GLIS3: variants seen among roughly 807,000 people sequenced by gnomAD.
The protein encoded by GLIS3 is GLIS family zinc finger 3.
Under a neutral mutation model 78.6 loss-of-function variants are expected in GLIS3, and 53 were observed. That is an observed-to-expected ratio of 0.67 (90% confidence interval 0.54 to 0.85). The LOEUF (loss-of-function observed/expected upper bound fraction) is 0.85, where lower values mean the gene tolerates loss of function less well. GLIS3 is among the 40% of genes least tolerant of loss of function. The pLI is 0.00. For synonymous variants in GLIS3, 684 were observed against 509.9 expected, an observed-to-expected ratio of 1.34 and a Z score of -4.60; for missense variants, 1,703 against 1,231.1, an observed-to-expected ratio of 1.38 and a Z score of -5.74.
chr9:4,448,635 A>T, the GLIS3 span, among the ~76,000 whole-genome samples: 84 of 152,330 alleles, frequency 5.5e-4, no homozygotes, highest in African/African-American at 1.9e-3. Flanking sequence ...GTGACCACAT[A>T]ACTTGTTCTG....
At chr9:4,126,083 A>C (rs1460505855) in intron 2 of GLIS3, 142 bp from the exon 3 acceptor site, 3 of 678,356 alleles carry the variant, frequency 4.4e-6, no homozygotes, top group Non-Finnish European at 7.8e-6. Flanking sequence ...TGATAGCAAA[A>C]GGCTTTCTCC....
chr9:3,926,241 T>TG lies in GLIS3; in HGVS notation c.1983+6118_1983+6119insC, dbSNP rs1398242435. Among the ~76,000 whole-genome samples, 5 of 149,838 alleles carry TG rather than the reference T, an allele frequency of 3.3e-5. No homozygotes were observed. The East Asian group carries it at 7.7e-4, about 23-fold the overall frequency. ...GCAATGCTTTTTCTTTTGTTTTTTT[T>TG]TTTTTCTTTGACGGAGTCTTGCTCT... On this transcript the variant is annotated intron_variant, in intron 6 of 10. Transcript: ENST00000381971.
chr9:4,234,282 G>C (rs999541653), intron 2 of GLIS3, among the ~76,000 whole-genome samples: 1 of 152,156 alleles, frequency 6.6e-6, no homozygotes, highest in African/African-American at 2.4e-5. Context: ...AGCATTTCTA[G>C]CTTTTGAGTT....
At chr9:3,878,356 C>T (rs1382158627) in intron 8 of GLIS3, among the ~76,000 whole-genome samples, 1 of 152,196 alleles carries the variant, frequency 6.6e-6, no homozygotes, top group Non-Finnish European at 1.5e-5. Flanking sequence ...TGGACTCCAG[C>T]ATCCAACACA....
chr9:4,152,869 T>C (rs187622436), intron 2 of GLIS3, among the ~76,000 whole-genome samples: 1 of 152,194 alleles, frequency 6.6e-6, no homozygotes, highest in Non-Finnish European at 1.5e-5. Context: ...TAAATAAACA[T>C]AGATATGTAA....
chr9:4,021,842 G>T (rs563936310), intron 4 of GLIS3, among the ~76,000 whole-genome samples: 3 of 152,122 alleles, frequency 2.0e-5, no homozygotes, highest in Non-Finnish European at 2.9e-5. Flanking sequence ...CAAAGCAATA[G>T]TTTTTTCAGT....
chr9:4,321,565 A>C (rs1817529589), intron 2 of GLIS3, among the ~76,000 whole-genome samples: 1 of 151,694 alleles, frequency 6.6e-6, no homozygotes, highest in Non-Finnish European at 1.5e-5. Flanking sequence ...AAATAAGAAA[A>C]TGAACATTTC....
rs1408962915 is a variant in GLIS3, at chr9:3,826,564, C to G, written c.*1708G>C. ...CCACTACTCAGAGAAACTAGATTGA[C>G]CAAGTGCACTGTGAAAACAAAACCC... On this transcript the variant is annotated 3_prime_UTR_variant, in exon 11 of 11. Coordinates refer to ENST00000381971, the MANE Select transcript of GLIS3 (RefSeq NM_001042413.2). 2.0e-5 allele frequency: 3 copies of G among 152,176 alleles called. No individual in the cohort carries two copies. Among genetic ancestry groups the G allele is most frequent in the Non-Finnish European group, 4.4e-5 (3 of 68,018 alleles). 9.4% of individuals were successfully genotyped at this position (152,176 alleles called of 1,614,324 possible).
intron 4 of GLIS3, among the ~76,000 whole-genome samples, chr9:4,308,400 G>A (rs989009725): frequency 6.6e-6 from 1 of 152,128 alleles, no homozygotes; most frequent in African/African-American, 2.4e-5. Context: ...AAGAAGAGGA[G>A]AAGGAAGGAA....
At chr9:4,013,438 A>G (rs1272866781) in intron 4 of GLIS3, among the ~76,000 whole-genome samples, 3 of 152,222 alleles carry the variant, frequency 2.0e-5, no homozygotes, top group Non-Finnish European at 4.4e-5. Context: ...GATATAATCA[A>G]TTGTCTGTCC....
the GLIS3 span, among the ~76,000 whole-genome samples, chr9:4,362,817 C>G: frequency 2.6e-5 from 4 of 152,036 alleles, no homozygotes; most frequent in African/African-American, 9.7e-5. Context: ...GCCAGAGAAC[C>G]CTGCTATCAT....
chr9:4,375,971 C>CA, the GLIS3 span, among the ~76,000 whole-genome samples: 22 of 152,286 alleles, frequency 1.4e-4, no homozygotes, highest in African/African-American at 5.1e-4. Flanking sequence ...AGTCTTTGTT[C>CA]ATCTGTAAAA....
At chr9:3,952,475 G>C (rs1816765115) in intron 4 of GLIS3, among the ~76,000 whole-genome samples, 1 of 152,044 alleles carries the variant, frequency 6.6e-6, no homozygotes, top group Non-Finnish European at 1.5e-5. Context: ...TTACCTATCT[G>C]ACATTAAGTA....
chr9:4,024,477 T>C (rs1823147238), intron 4 of GLIS3, among the ~76,000 whole-genome samples: 1 of 152,196 alleles, frequency 6.6e-6, no homozygotes, highest in Non-Finnish European at 1.5e-5. Flanking sequence ...CAGATGGGGC[T>C]GCTCCATGTG....
intron 2 of GLIS3, among the ~76,000 whole-genome samples, chr9:4,179,801 C>A (rs1586894338): frequency 2.0e-5 from 3 of 151,624 alleles, no homozygotes. Context: ...TCCCAGCTAC[C>A]CAGGAGGCTG....
chr9:4,202,446 T>TAAAATA (rs1258413616), intron 2 of GLIS3, among the ~76,000 whole-genome samples: 1 of 94,862 alleles, frequency 1.1e-5, no homozygotes. Context: ...TAAAATAAAA[T>TAAAATA]AAAATAAAAA....
chr9:4,408,075 G>A, the GLIS3 span, among the ~76,000 whole-genome samples: 2 of 152,132 alleles, frequency 1.3e-5, no homozygotes, highest in Admixed American at 6.6e-5. Context: ...GATATCGTAT[G>A]ACCCCAGTTA....
chr9:3,946,008 C>T (rs1038279805), intron 4 of GLIS3, among the ~76,000 whole-genome samples: 1 of 152,170 alleles, frequency 6.6e-6, no homozygotes, highest in Non-Finnish European at 1.5e-5. Flanking sequence ...CAGCACGTTG[C>T]TTTTTGCCTC....
chr9:3,937,248 G>C, intron 4 of GLIS3, 59 bp from the exon 5 acceptor site: 5 of 1,579,082 alleles, frequency 3.2e-6, no homozygotes, highest in Non-Finnish European at 4.3e-6. Context: ...TGAGTCTGGG[G>C]GACAGCTAAA....
Sources: gnomAD v4.1 joint callset for allele counts (sites outside exome capture counted in the v4.1 genomes callset) on GRCh38, gnomAD v4.1.1 for gene constraint, MANE v1.5 for transcripts, NCBI Gene and HGNC (gene_info 2026-07-23, HGNC 2026-07-21) for gene names.